The following SCUBE1 variants were observed in gnomAD, a reference collection of about 807,000 sequenced individuals.
The protein encoded by SCUBE1 is signal peptide, CUB and EGF-like domain-containing protein 1.
Under a neutral mutation model 124.4 loss-of-function variants are expected in SCUBE1, and 59 were observed. That is an observed-to-expected ratio of 0.47 (90% CI 0.38 to 0.59). The LOEUF (loss-of-function observed/expected upper bound fraction) is 0.59. Ranked by LOEUF, SCUBE1 falls within the 20% of genes least tolerant of loss-of-function variation. The pLI is 0.00. For synonymous variants in SCUBE1, 545 were observed against 550.9 expected, an observed-to-expected ratio of 0.99 and a Z score of 0.15; for missense variants, 1,150 against 1,371.2, an observed-to-expected ratio of 0.84 and a Z score of 2.55.
chr22:43,219,402 A>G (rs563235773), intron 14 of SCUBE1, among the ~76,000 whole-genome samples: 7 of 152,148 alleles, frequency 4.6e-5, no homozygotes, highest in African/African-American at 1.7e-4. Context: ...CAGAGCCGAG[A>G]GCCAATAAGC....
At position 43,198,317 on chromosome 22, in the gene SCUBE1, G is replaced by A. The variant is rs1302033241; in HGVS notation, c.*5680C>T. ...TGGCATGGTGCAGCAGGGGACTGGA[G>A]AGGCCTTGAGGCCATCGCAGCAGAT... is the stretch of plus-strand genomic sequence containing the variant. On this transcript the variant is annotated 3_prime_UTR_variant, in exon 22 of 22. Coordinates refer to ENST00000360835, the MANE Select transcript of SCUBE1 (RefSeq NM_173050.5). 8.5e-6 allele frequency: 3 copies of A among 353,244 alleles called. No individual in the cohort carries two copies. Among genetic ancestry groups the A allele is most frequent in the Non-Finnish European group, 1.7e-5 (3 of 177,884 alleles). 21.9% of individuals were successfully genotyped at this position (353,244 alleles called of 1,614,324 possible). A position where few individuals can be genotyped will look rare whatever the true frequency, so the allele number is the denominator to read the frequency against.
chr22:43,262,455 A>G (rs11090147), intron 5 of SCUBE1, among the ~76,000 whole-genome samples: 28,310 of 152,112 alleles, frequency 0.19, 3,055 homozygotes, highest in East Asian at 0.37. Flanking sequence ...TGGACAGCTT[A>G]GGCTCAGGGG....
At chr22:43,334,925 T>C (rs1305961186) in intron 2 of SCUBE1, among the ~76,000 whole-genome samples, 1 of 152,164 alleles carries the variant, frequency 6.6e-6, no homozygotes, top group Non-Finnish European at 1.5e-5. Context: ...CGGGCAGGAT[T>C]TGAACCCAAG....
intron 4 of SCUBE1, among the ~76,000 whole-genome samples, chr22:43,266,479 A>G (rs1924070520): frequency 6.6e-6 from 1 of 152,184 alleles, no homozygotes; most frequent in Non-Finnish European, 1.5e-5. Context: ...CCACAAGCAG[A>G]TAGGCTCCGT....
intron 19 of SCUBE1, among the ~76,000 whole-genome samples, chr22:43,209,648 CG>C (rs1277321011): frequency 6.6e-6 from 1 of 152,158 alleles, no homozygotes; most frequent in Admixed American, 6.5e-5. Flanking sequence ...CAAACCTCAG[CG>C]GGCGGGAGGA....
At chr22:43,330,859 G>C (rs887053733) in intron 2 of SCUBE1, among the ~76,000 whole-genome samples, 3 of 152,154 alleles carry the variant, frequency 2.0e-5, no homozygotes, top group Non-Finnish European at 4.4e-5. Flanking sequence ...GGTCTGCTTG[G>C]ACTTGAGCAC....
At chr22:43,206,651 A>AACG (rs1569494236) in intron 21 of SCUBE1, among the ~76,000 whole-genome samples, 1 of 150,868 alleles carries the variant, frequency 6.6e-6, no homozygotes, top group Non-Finnish European at 1.5e-5. Flanking sequence ...GAGGTGGGGG[A>AACG]AAGAAGGGGC....
Position 43,343,228 on chromosome 22 carries a change from C to T in SCUBE1, c.34G>A (p.Val12Met), listed in dbSNP as rs997249838. 1.9e-5 allele frequency: 23 copies of T among 1,209,888 alleles called. No homozygotes were observed. The highest frequency in any genetic ancestry group is 2.3e-5 in the Non-Finnish European group (22 of 967,268). The allele number at this position is 1,209,888 out of a possible 1,614,324, so 74.9% of individuals were successfully genotyped here. ...GAAAVRWHLC[V>M]LLALGTRGRL... is the part of the protein sequence containing the mutation. ...CCGCGTGTGCCCAGGGCCAGCAGCACGCACAAGTGCCAGCGCACGGCCGCC... is the reference window on the plus strand; with the variant it reads ...CCGCGTGTGCCCAGGGCCAGCAGCATGCACAAGTGCCAGCGCACGGCCGCC... Residue 12 changes from valine to methionine, a missense_variant, in exon 1 of 22, where the codon GTG becomes ATG. Physicochemically the swap from Val to Met is conservative, Grantham distance 21. Around this residue, in one of 3 missense-constraint regions of SCUBE1, gnomAD observed 56 missense variants for 48.1 expected, o/e 1.16. Transcript: ENST00000360835.
intron 7 of SCUBE1, chr22:43,237,760 C>T (rs1310745446): frequency 6.6e-6 from 1 of 152,240 alleles, no homozygotes; most frequent in East Asian, 1.9e-4. Context: ...CTAACCTCCA[C>T]TTTCAATATT....
At chr22:43,219,759 G>A (rs1024025837) in intron 14 of SCUBE1, among the ~76,000 whole-genome samples, 1 of 152,064 alleles carries the variant, frequency 6.6e-6, no homozygotes, top group Admixed American at 6.5e-5. Flanking sequence ...ACAGGCGTGA[G>A]CCAGTGTGCC....
At chr22:43,281,587 T>TTTGGCCACC (rs1569011196) in intron 4 of SCUBE1, among the ~76,000 whole-genome samples, 1 of 64,870 alleles carries the variant, frequency 1.5e-5, no homozygotes, top group East Asian at 6.6e-4. Flanking sequence ...TCACCTCCCT[T>TTTGGCCACC]CTCAGCCACC....
intron 10 of SCUBE1, among the ~76,000 whole-genome samples, chr22:43,223,594 G>A (rs1254846743): frequency 1.3e-5 from 2 of 152,176 alleles, no homozygotes; most frequent in East Asian, 1.9e-4. Context: ...GGGATCGCTC[G>A]GAAGCACCTC....
At chr22:43,275,548 T>A (rs545370002) in intron 4 of SCUBE1, among the ~76,000 whole-genome samples, 1 of 152,222 alleles carries the variant, frequency 6.6e-6, no homozygotes, top group East Asian at 1.9e-4. Context: ...GGTCCTGCAG[T>A]AGAGGGCTGA....
At chr22:43,247,032 C>T (rs964152554) in intron 6 of SCUBE1, among the ~76,000 whole-genome samples, 19 of 152,224 alleles carry the variant, frequency 1.2e-4, no homozygotes, top group African/African-American at 4.1e-4. Flanking sequence ...CCAGGGCTCC[C>T]GTCAGCCCAC....
chr22:43,324,352 G>A (rs1326579642), intron 2 of SCUBE1, among the ~76,000 whole-genome samples: 1 of 152,158 alleles, frequency 6.6e-6, no homozygotes, highest in Non-Finnish European at 1.5e-5. Flanking sequence ...AGGGATATTT[G>A]CTGCTTGCAT....
At position 43,209,987 on chromosome 22, in the gene SCUBE1, G is replaced by T. The variant is rs892350609; in HGVS notation, c.2581+56C>A. 34 of 1,506,438 alleles carry T rather than the reference G, an allele frequency of 2.3e-5. No homozygotes were observed. The African/African-American group carries it at 5.1e-4, about 23-fold the overall frequency. 93.3% of individuals were successfully genotyped at this position (1,506,438 alleles called of 1,614,324 possible). On this transcript the variant is annotated intron_variant, in intron 19 of 21. Transcript: ENST00000360835. ...ATCCCGCCTGGCAGAACCGCAGCGA[G>T]ACGGGGGTGCACACGCAGCTGAGGC...
At chr22:43,313,632 T>C (rs886137703) in intron 3 of SCUBE1, among the ~76,000 whole-genome samples, 1 of 152,198 alleles carries the variant, frequency 6.6e-6, no homozygotes, top group African/African-American at 2.4e-5. Context: ...TTGAGCAAGA[T>C]CTCATCATGG....
At chr22:43,293,270 C>T (rs1250643126) in intron 3 of SCUBE1, among the ~76,000 whole-genome samples, 2 of 152,344 alleles carry the variant, frequency 1.3e-5, no homozygotes, top group South Asian at 2.1e-4. Flanking sequence ...CAGGCCCACG[C>T]GATCCTCACA....
At chr22:43,304,802 C>G (rs917542595) in intron 3 of SCUBE1, among the ~76,000 whole-genome samples, 5 of 152,288 alleles carry the variant, frequency 3.3e-5, no homozygotes, top group Admixed American at 1.3e-4. Flanking sequence ...CTCCACCCCC[C>G]GCAGGGGACC....
Sources: gnomAD v4.1 joint callset for allele counts (sites outside exome capture counted in the v4.1 genomes callset) on GRCh38, gnomAD v4.1.1 for gene constraint, gnomAD v4.1.1 regional missense constraint, MANE v1.5 for transcripts, NCBI Gene and HGNC (gene_info 2026-07-23, HGNC 2026-07-21) for gene names.